The following MAGI2 variants were observed in gnomAD, a reference collection of about 807,000 sequenced individuals.
MAGI2 encodes membrane associated guanylate kinase, WW and PDZ domain containing 2.
Under a neutral mutation model 133.3 loss-of-function variants are expected in MAGI2, and 35 were observed. The ratio of observed to expected loss-of-function variants is 0.26; its 90% CI spans 0.20 to 0.35. MAGI2 has a LOEUF of 0.35. MAGI2 is among the 10% of genes least tolerant of loss of function. MAGI2 has a pLI of 1.00. For missense variants in MAGI2, 1,636 were observed against 1,863.4 expected (o/e 0.88, Z 2.25); for synonymous variants, 729 against 710.6 (o/e 1.03, Z -0.41).
intron 6 of MAGI2, among the ~76,000 whole-genome samples, chr7:78,400,032 T>G (rs1364568705): frequency 6.6e-6 from 1 of 152,188 alleles, no homozygotes; most frequent in Non-Finnish European, 1.5e-5. Flanking sequence ...AAAAAGACAG[T>G]AACCTCTACA....
chr7:78,535,646 T>C (rs1241424195), intron 3 of MAGI2, among the ~76,000 whole-genome samples: 1 of 152,022 alleles, frequency 6.6e-6, no homozygotes, highest in East Asian at 1.9e-4. Context: ...ACTTACAGTT[T>C]AACAAAGATG....
intron 7 of MAGI2, among the ~76,000 whole-genome samples, chr7:78,361,647 C>T (rs1390221957): frequency 6.6e-6 from 1 of 152,096 alleles, no homozygotes; most frequent in East Asian, 1.9e-4. Context: ...TTGTAAAAGT[C>T]CATCTGCAAT....
At chr7:79,088,196 C>A (rs1025256968) in intron 1 of MAGI2, among the ~76,000 whole-genome samples, 1 of 151,616 alleles carries the variant, frequency 6.6e-6, no homozygotes, top group African/African-American at 2.4e-5. Flanking sequence ...TTCTCCTTGA[C>A]GAACTACAAC....
intron 10 of MAGI2, among the ~76,000 whole-genome samples, chr7:78,209,460 A>G (rs1787546727): frequency 6.6e-6 from 1 of 151,364 alleles, no homozygotes; most frequent in Non-Finnish European, 1.5e-5. Context: ...TGGGGGTTTC[A>G]CCATGTTGGC....
intron 16 of MAGI2, among the ~76,000 whole-genome samples, chr7:78,144,824 G>A (rs377684681): frequency 6.6e-5 from 10 of 152,066 alleles, no homozygotes; most frequent in South Asian, 4.1e-4. Context: ...ATAGGTATGC[G>A]TGTGTGCCAT....
chr7:78,127,450 C>T, intron 18 of MAGI2, 34 bp from the exon 19 acceptor site: 1 of 1,533,786 alleles, frequency 6.5e-7, no homozygotes, highest in Non-Finnish European at 8.9e-7. Flanking sequence ...GCTTTTGTAA[C>T]TCTGCATTCT....
chr7:78,724,367 A>G (rs997435683), intron 2 of MAGI2, among the ~76,000 whole-genome samples: 1 of 152,176 alleles, frequency 6.6e-6, no homozygotes, highest in Non-Finnish European at 1.5e-5. Context: ...CAAATGAGAG[A>G]GTCAGATGAA....
chr7:78,310,772 G>A (rs1232010547), intron 9 of MAGI2, among the ~76,000 whole-genome samples: 1 of 152,126 alleles, frequency 6.6e-6, no homozygotes, highest in Non-Finnish European at 1.5e-5. Flanking sequence ...TTACCTGGAG[G>A]ATAGCAATAC....
intron 1 of MAGI2, among the ~76,000 whole-genome samples, chr7:79,436,498 C>T (rs888470534): frequency 6.6e-6 from 1 of 152,004 alleles, no homozygotes; most frequent in African/African-American, 2.4e-5. Context: ...ACTTGAACAA[C>T]TCAACAAGCA....
chr7:79,195,350 T>A (rs1448317899), intron 1 of MAGI2, among the ~76,000 whole-genome samples: 3 of 152,036 alleles, frequency 2.0e-5, no homozygotes, highest in Non-Finnish European at 4.4e-5. Flanking sequence ...CTGTGGTTTT[T>A]ACACATTGCA....
chr7:78,796,536 G>A (rs988494357), intron 2 of MAGI2, among the ~76,000 whole-genome samples: 8 of 152,160 alleles, frequency 5.3e-5, no homozygotes, highest in African/African-American at 1.9e-4. Flanking sequence ...CACTGTTGGT[G>A]GGAATGTAAT....
chr7:79,187,442 C>T (rs1284675954), intron 1 of MAGI2, among the ~76,000 whole-genome samples: 1 of 151,674 alleles, frequency 6.6e-6, no homozygotes, highest in African/African-American at 2.4e-5. Flanking sequence ...TTAGCTTAGT[C>T]CTTACCCTCA....
intron 2 of MAGI2, among the ~76,000 whole-genome samples, chr7:78,892,671 G>T (rs1272141631): frequency 6.6e-6 from 1 of 152,224 alleles, no homozygotes; most frequent in Non-Finnish European, 1.5e-5. Context: ...AAACTGGCTA[G>T]CCATATGTAG....
In MAGI2 at chr7:79,157,939, T is replaced by TGA. The variant is rs1208707618; in HGVS notation, c.302-150735_302-150734dup. ...AAGTAAATGCTACAGAATCTTTGTGTGAGTGTGTGTGTGTGTGTGTGTGTG... is the reference window on the plus strand; with the variant it reads ...AAGTAAATGCTACAGAATCTTTGTGTGAGAGTGTGTGTGTGTGTGTGTGTGTG... On this transcript the variant is annotated intron_variant, in intron 1 of 21. Coordinates refer to ENST00000354212, the MANE Select transcript of MAGI2 (RefSeq NM_012301.4). Among the ~76,000 whole-genome samples the TGA allele has an allele frequency of 6.1e-3, 311 of 51,102 alleles. 2 individuals are homozygous for TGA. Among genetic ancestry groups the TGA allele is most frequent in the Middle Eastern group, 0.015 (1 of 68 alleles). 33.5% of individuals were successfully genotyped at this position (51,102 alleles called of 152,430 possible). A position where few individuals can be genotyped will look rare whatever the true frequency, so the allele number is the denominator to read the frequency against.
intron 2 of MAGI2, among the ~76,000 whole-genome samples, chr7:78,867,791 G>T (rs185511650): frequency 6.6e-6 from 1 of 152,232 alleles, no homozygotes; most frequent in East Asian, 1.9e-4. Context: ...TGTAACATAA[G>T]AGTAAGAGAC....
chr7:78,470,715 A>G (rs1200441923), intron 6 of MAGI2, among the ~76,000 whole-genome samples: 1 of 152,160 alleles, frequency 6.6e-6, no homozygotes, highest in Non-Finnish European at 1.5e-5. Flanking sequence ...AGAAAATAGA[A>G]ACATAGAGAA....
At chr7:78,028,124 C>A (rs913867138) in intron 21 of MAGI2, among the ~76,000 whole-genome samples, 1 of 152,204 alleles carries the variant, frequency 6.6e-6, no homozygotes, top group African/African-American at 2.4e-5. Context: ...AAGGTGATTG[C>A]TTTTTGTAAC....
At chr7:78,502,214 A>G (rs577501209) in intron 4 of MAGI2, among the ~76,000 whole-genome samples, 1 of 152,320 alleles carries the variant, frequency 6.6e-6, no homozygotes, top group African/African-American at 2.4e-5. Flanking sequence ...CTGGATGATT[A>G]TGATTAAATG....
intron 3 of MAGI2, among the ~76,000 whole-genome samples, chr7:78,523,374 G>T (rs1796677625): frequency 6.6e-6 from 1 of 152,058 alleles, no homozygotes. Flanking sequence ...ATCTATTCTG[G>T]AGTCTGAGGC....
Sources: gnomAD v4.1 joint callset for allele counts (sites outside exome capture counted in the v4.1 genomes callset) on GRCh38, gnomAD v4.1.1 for gene constraint, MANE v1.5 for transcripts, NCBI Gene and HGNC (gene_info 2026-07-23, HGNC 2026-07-21) for gene names.